The following DNAL1 variants were observed in gnomAD, a reference collection of about 807,000 sequenced individuals.
DNAL1 encodes chromosome 14 open reading frame 168.
A neutral mutation model predicts 29.4 loss-of-function variants in DNAL1; 17 were observed. The ratio of observed to expected loss-of-function variants is 0.58; its 90% CI spans 0.40 to 0.87. The LOEUF is 0.87. DNAL1 is among the 40% of genes least tolerant of loss of function. DNAL1 has a pLI of 0.00. For missense variants in DNAL1, 188 were observed against 214.1 expected (o/e 0.88, Z 0.76); for synonymous variants, 78 against 76.3 (o/e 1.02, Z -0.12).
intron 7 of DNAL1, among the ~76,000 whole-genome samples, chr14:73,693,179 T>C (rs1468621079): frequency 2.0e-5 from 3 of 152,098 alleles, no homozygotes; most frequent in Admixed American, 6.6e-5. Context: ...AGACGGACAA[T>C]ACCAAATGCT....
chr14:73,667,095 G>A (rs1051828792), intron 4 of DNAL1, among the ~76,000 whole-genome samples: 1 of 150,978 alleles, frequency 6.6e-6, no homozygotes, highest in African/African-American at 2.4e-5. Flanking sequence ...CATTCCATTG[G>A]GTGATATTTC....
intron 7 of DNAL1, among the ~76,000 whole-genome samples, chr14:73,690,682 T>A (rs1204000152): frequency 1.3e-5 from 2 of 151,500 alleles, no homozygotes; most frequent in African/African-American, 4.8e-5. Context: ...GGATCCTGAC[T>A]TCCAGACAAC....
intron 2 of DNAL1, 52 bp downstream of exon 2, chr14:73,654,937 G>T: frequency 6.7e-7 from 1 of 1,503,434 alleles, no homozygotes. Context: ...GAAAAATTTT[G>T]GATAGTTATT....
chr14:73,647,730 C>T (rs1891013706), intron 1 of DNAL1, among the ~76,000 whole-genome samples: 1 of 152,198 alleles, frequency 6.6e-6, no homozygotes, highest in Non-Finnish European at 1.5e-5. Context: ...ACCAGTTAAA[C>T]CTTATACAAA....
chr14:73,691,432 TCA>T (rs1425356917), intron 7 of DNAL1, among the ~76,000 whole-genome samples: 2 of 151,724 alleles, frequency 1.3e-5, no homozygotes, highest in Admixed American at 6.6e-5. Flanking sequence ...GCCTGTAATC[TCA>T]GTTACTCAGG....
At chr14:73,666,045 A>G (rs1251096604) in intron 4 of DNAL1, among the ~76,000 whole-genome samples, 4 of 152,180 alleles carry the variant, frequency 2.6e-5, no homozygotes. Context: ...CTAGTTACAA[A>G]TACAATTTAT....
intron 1 of DNAL1, among the ~76,000 whole-genome samples, chr14:73,649,398 T>A (rs1595198535): frequency 6.6e-6 from 1 of 151,816 alleles, no homozygotes; most frequent in East Asian, 1.9e-4. Context: ...TTCTCCTGCC[T>A]CAGCCTCCCG....
intron 2 of DNAL1, among the ~76,000 whole-genome samples, chr14:73,657,420 GTCC>G (rs1192071794): frequency 9.9e-5 from 15 of 152,054 alleles, no homozygotes. Context: ...GGCTCAAGCA[GTCC>G]TCCTGCTTTG....
At chr14:73,692,552 G>A (rs1048502959) in intron 7 of DNAL1, among the ~76,000 whole-genome samples, 16 of 151,800 alleles carry the variant, frequency 1.1e-4, no homozygotes, top group Admixed American at 3.9e-4. Context: ...CCAGCTATTC[G>A]GGAGGCTGGG....
intron 2 of DNAL1, among the ~76,000 whole-genome samples, chr14:73,655,804 A>G (rs1891205491): frequency 6.6e-6 from 1 of 152,176 alleles, no homozygotes; most frequent in Admixed American, 6.5e-5. Context: ...AATCATGCAT[A>G]GACAACTGAA....
intron 5 of DNAL1, among the ~76,000 whole-genome samples, chr14:73,681,424 C>T (rs1363627824): frequency 5.3e-5 from 8 of 150,068 alleles, no homozygotes; most frequent in South Asian, 2.1e-4. Context: ...CATGAGCCAC[C>T]GCACCCGGTG....
intron 5 of DNAL1, among the ~76,000 whole-genome samples, chr14:73,679,468 CT>C (rs1462294278): frequency 6.6e-6 from 1 of 151,846 alleles, no homozygotes; most frequent in African/African-American, 2.4e-5. Context: ...TAAGTGTTCA[CT>C]GAGAGATAAT....
At chr14:73,648,539 G>C (rs183559134) in intron 1 of DNAL1, among the ~76,000 whole-genome samples, 1 of 150,022 alleles carries the variant, frequency 6.7e-6, no homozygotes, top group African/African-American at 2.5e-5. Context: ...CAGCCCCTGC[G>C]AGTAGTTGGG....
chr14:73,696,958 G>C lies in DNAL1; in HGVS notation c.*1016G>C, dbSNP rs1892313998. Reference sequence around the variant, plus strand: ...CTTAAAATGTATTATGTACGTGGTTGTGGAGGGAAGGGAGATGTTTCATTA... The same window carrying C: ...CTTAAAATGTATTATGTACGTGGTTCTGGAGGGAAGGGAGATGTTTCATTA... On this transcript the variant is annotated 3_prime_UTR_variant, in exon 8 of 8. Coordinates refer to ENST00000553645, the MANE Select transcript of DNAL1 (RefSeq NM_031427.4). 6.6e-6 allele frequency: 1 copy of C among 152,220 alleles called. No individual in the cohort carries two copies. The highest frequency in any genetic ancestry group is 2.1e-4 in the South Asian group (1 of 4,832). 9.4% of individuals were successfully genotyped at this position (152,220 alleles called of 1,614,324 possible). A position where few individuals can be genotyped will look rare whatever the true frequency, so the allele number is the denominator to read the frequency against.
chr14:73,667,557 G>T (rs1328246445), intron 4 of DNAL1, among the ~76,000 whole-genome samples: 1 of 152,112 alleles, frequency 6.6e-6, no homozygotes, highest in Non-Finnish European at 1.5e-5. Context: ...GGAGTGCAAT[G>T]ATGCCATCTC....
At chr14:73,668,657 G>T (rs934947532) in intron 4 of DNAL1, among the ~76,000 whole-genome samples, 2 of 151,764 alleles carry the variant, frequency 1.3e-5, no homozygotes, top group Non-Finnish European at 2.9e-5. Context: ...TGCTTGGCTT[G>T]TAGATGGCCG....
chr14:73,667,759 C>T (rs1317474814), intron 4 of DNAL1, among the ~76,000 whole-genome samples: 3 of 152,114 alleles, frequency 2.0e-5, no homozygotes, highest in Non-Finnish European at 4.4e-5. Flanking sequence ...GCCTTGGCCT[C>T]CCAAAGTTCT....
chr14:73,672,407 C>T lies in DNAL1; in HGVS notation c.264+810C>T, dbSNP rs1316792777. Among the ~76,000 whole-genome samples the T allele has an allele frequency of 3.3e-5, 5 of 151,882 alleles. No homozygotes were observed. The East Asian group carries it at 7.8e-4, about 24-fold the overall frequency. ...GATCACGAGGTCAGGAGATGGAGAC[C>T]ATCCTGGCTACCACGGTGAAACCCT... is the stretch of plus-strand genomic sequence containing the variant. On this transcript the variant is annotated intron_variant, in intron 5 of 7. Coordinates refer to ENST00000553645, the MANE Select transcript of DNAL1 (RefSeq NM_031427.4).
Position 73,698,486 on chromosome 14 carries a change from C to G in DNAL1, c.*2544C>G, listed in dbSNP as rs565209134. 6.6e-6 allele frequency: 1 copy of G among 152,210 alleles called. No homozygotes were observed. The highest frequency in any genetic ancestry group is 1.9e-4 in the East Asian group (1 of 5,188). 9.4% of individuals were successfully genotyped at this position (152,210 alleles called of 1,614,324 possible). A position where few individuals can be genotyped will look rare whatever the true frequency, so the allele number is the denominator to read the frequency against. On this transcript the variant is annotated 3_prime_UTR_variant, in exon 8 of 8. Transcript: ENST00000553645. Reference sequence around the variant, plus strand: ...GTGCTTCCGGTTTAAGACATTACGCCATTTTAGTGGATCATTTAAATTTTT... The same window carrying G: ...GTGCTTCCGGTTTAAGACATTACGCGATTTTAGTGGATCATTTAAATTTTT...
Sources: allele counts gnomAD v4.1 joint callset (sites outside exome capture counted in the v4.1 genomes callset), GRCh38; gene constraint gnomAD v4.1.1; transcripts MANE v1.5; gene names NCBI Gene and HGNC (gene_info 2026-07-23, HGNC 2026-07-21).